Variants in ZNF589 observed in about 807,000 individuals in gnomAD.
ZNF589 encodes zinc finger protein 589, also known as KRAB-zinc finger protein SZF1-1.
Under a neutral mutation model 13.6 loss-of-function variants are expected in ZNF589, and 17 were observed. The ratio of observed to expected loss-of-function variants is 1.25; its 90% confidence interval spans 0.86 to 1.88. The LOEUF (loss-of-function observed/expected upper bound fraction) is 1.88, where lower values mean the gene tolerates loss of function less well. Among genes scored for constraint, ZNF589 ranks in the 40% most tolerant of loss-of-function variants. The probability of loss-of-function intolerance (pLI) is 0.00; values close to 1 mark genes in which losing one functional copy is unlikely to be tolerated. For missense variants in ZNF589, 407 were observed against 434.0 expected (o/e 0.94, Z 0.55); for synonymous variants, 148 against 161.6 (o/e 0.92, Z 0.64).
At chr3:48,249,896 G>T (rs2033818667) in intron 2 of ZNF589, among the ~76,000 whole-genome samples, 1 of 152,168 alleles carries the variant, frequency 6.6e-6, no homozygotes, top group Non-Finnish European at 1.5e-5. Flanking sequence ...GGGAGGCCAA[G>T]ATGGGCGAAT....
rs961531845 is a variant in ZNF589, at chr3:48,269,862, G to A, written c.*1076G>A. On this transcript the variant is annotated 3_prime_UTR_variant, in exon 4 of 4. Transcript: ENST00000354698. ...CACACTCGGGAGAAACCTTCATGGA[G>A]TGAGAGTAAGGTGTTGGCTGGAAGT... 15 of 365,942 alleles carry A rather than the reference G, an allele frequency of 4.1e-5. No individual in the cohort carries two copies. The highest frequency in any genetic ancestry group is 1.7e-4 in the African/African-American group (8 of 46,890). 22.7% of individuals were successfully genotyped at this position (365,942 alleles called of 1,614,324 possible).
chr3:48,255,931 T>A (rs2033894273), intron 2 of ZNF589, among the ~76,000 whole-genome samples: 2 of 152,146 alleles, frequency 1.3e-5, no homozygotes, highest in Non-Finnish European at 2.9e-5. Context: ...AATCACTAGA[T>A]GTTGGGTTTT....
At position 48,269,696 on chromosome 3, in the gene ZNF589, G is replaced by A; in HGVS notation, c.*910G>A. On this transcript the variant is annotated 3_prime_UTR_variant, in exon 4 of 4. Transcript: ENST00000354698. Reference sequence around the variant, plus strand: ...GATACACTCGGGGAAAAGCTTTAGAGGTGCAAGGAGTGAGGATGTGATTTT... The same window carrying A: ...GATACACTCGGGGAAAAGCTTTAGAAGTGCAAGGAGTGAGGATGTGATTTT... 5.9e-6 allele frequency: 2 copies of A among 338,678 alleles called. No individual in the cohort carries two copies. The highest frequency in any genetic ancestry group is 2.4e-5 in the South Asian group (1 of 40,832). 21.0% of individuals were successfully genotyped at this position (338,678 alleles called of 1,614,324 possible).
At chr3:48,253,496 TTC>T (rs372974814) in intron 2 of ZNF589, among the ~76,000 whole-genome samples, 5 of 125,658 alleles carry the variant, frequency 4.0e-5, no homozygotes, top group African/African-American at 9.0e-5. Context: ...AGTCATATTT[TTC>T]TTTTTTTTTT....
chr3:48,262,380 G>T (rs1373261623), intron 3 of ZNF589, among the ~76,000 whole-genome samples: 1 of 151,788 alleles, frequency 6.6e-6, no homozygotes, highest in Admixed American at 6.6e-5. Context: ...TAGTAGAAAC[G>T]GGGTTTCACC....
chr3:48,252,076 G>A (rs974589005), intron 2 of ZNF589, among the ~76,000 whole-genome samples: 1 of 151,856 alleles, frequency 6.6e-6, no homozygotes, highest in African/African-American at 2.4e-5. Context: ...CTGTTTTCTC[G>A]GTGCTCTGTT....
In ZNF589 at chr3:48,270,507, GTC is replaced by G; in HGVS notation, c.*1726_*1727del. ...ATGGTGCCAGGGCCTTTAGCCATTT[GTC>G]TCTCCTCACACTCCAGGGCCCATAT... On this transcript the variant is annotated 3_prime_UTR_variant, in exon 4 of 4. Coordinates refer to ENST00000354698, the MANE Select transcript of ZNF589 (RefSeq NM_016089.3). 1 of 351,742 alleles carries G rather than the reference GTC, an allele frequency of 2.8e-6. No homozygotes were observed. Among genetic ancestry groups the G allele is most frequent in the Non-Finnish European group, 5.6e-6 (1 of 179,488 alleles). The allele number at this position is 351,742 out of a possible 1,614,324, so 21.8% of individuals were successfully genotyped here. A position where few individuals can be genotyped will look rare whatever the true frequency, so the allele number is the denominator to read the frequency against.
intron 1 of ZNF589, 104 bp from the exon 2 acceptor site, chr3:48,247,521 G>A (rs1238202008): frequency 7.7e-7 from 1 of 1,298,112 alleles, no homozygotes. Flanking sequence ...TGGGTCAGCT[G>A]AGAAGGCTCA....
At position 48,270,337 on chromosome 3, in the gene ZNF589, C is replaced by T; in HGVS notation, c.*1551C>T. ...TTAAACATAGCCACGCCACCTTGGC[C>T]TTCAATGACAGGGATCTAGCAATGC... On this transcript the variant is annotated 3_prime_UTR_variant, in exon 4 of 4. Coordinates refer to ENST00000354698, the MANE Select transcript of ZNF589 (RefSeq NM_016089.3). 1 of 415,574 alleles carries T rather than the reference C, an allele frequency of 2.4e-6. No individual in the cohort carries two copies. The highest frequency in any genetic ancestry group is 2.7e-5 in the Admixed American group (1 of 37,160). The allele number at this position is 415,574 out of a possible 1,614,324, so 25.7% of individuals were successfully genotyped here.
chr3:48,247,299 T>G (rs1027943639), intron 1 of ZNF589, among the ~76,000 whole-genome samples: 1 of 151,714 alleles, frequency 6.6e-6, no homozygotes, highest in Non-Finnish European at 1.5e-5. Context: ...AAAAAAAACA[T>G]GTAACTAGAG....
chr3:48,260,943 AG>A lies in ZNF589; in HGVS notation c.223+6del. The A allele has an allele frequency of 1.2e-6, 2 of 1,614,100 alleles. No homozygotes were observed. Among genetic ancestry groups the A allele is most frequent in the Non-Finnish European group, 1.7e-6 (2 of 1,179,986 alleles). On this transcript the variant is annotated splice_donor_5th_base_variant and intron_variant, in intron 3 of 3. Transcript: ENST00000354698. ...CTCAGGAATCTGGTCTCATTGGGTA[AG>A]GACATGTTCTCTTCCTTCATTTTTC... is the stretch of plus-strand genomic sequence containing the variant.
chr3:48,258,029 A>G (rs2033927776), intron 2 of ZNF589: 1 of 395,908 alleles, frequency 2.5e-6, no homozygotes, highest in Admixed American at 3.7e-5. Flanking sequence ...CTTATCATAT[A>G]TATTAGGATA....
rs1329142357 is a variant in ZNF589, at chr3:48,270,973, AGT to A, written c.*2190_*2191del. ...AATGAAGCCGTGGACCCTCACGGTGAGTGTTACAATTCTTAAACATGGTGTGT... is the reference window on the plus strand; with the variant it reads ...AATGAAGCCGTGGACCCTCACGGTGAGTTACAATTCTTAAACATGGTGTGT... On this transcript the variant is annotated 3_prime_UTR_variant, in exon 4 of 4. Transcript: ENST00000354698. 1 of 178,970 alleles carries A rather than the reference AGT, an allele frequency of 5.6e-6. No homozygotes were observed. Among genetic ancestry groups the A allele is most frequent in the African/African-American group, 2.4e-5 (1 of 41,858 alleles). 11.1% of individuals were successfully genotyped at this position (178,970 alleles called of 1,614,324 possible).
At chr3:48,262,040 T>G (rs2033973044) in intron 3 of ZNF589, among the ~76,000 whole-genome samples, 2 of 152,216 alleles carry the variant, frequency 1.3e-5, no homozygotes. Flanking sequence ...CCATTTCAGG[T>G]GTTAAACTGT....
intron 2 of ZNF589, among the ~76,000 whole-genome samples, chr3:48,254,982 T>C (rs1438233325): frequency 6.6e-6 from 1 of 152,136 alleles, no homozygotes; most frequent in Non-Finnish European, 1.5e-5. Context: ...TCTTGTCTCA[T>C]TGCAATAGCT....
In ZNF589 at chr3:48,268,888, T is replaced by G; in HGVS notation, c.*102T>G. The G allele has an allele frequency of 3.4e-6, 5 of 1,465,864 alleles. No homozygotes were observed. The highest frequency in any genetic ancestry group is 4.6e-6 in the Non-Finnish European group (5 of 1,081,910). The allele number at this position is 1,465,864 out of a possible 1,614,324, so 90.8% of individuals were successfully genotyped here. On this transcript the variant is annotated 3_prime_UTR_variant, in exon 4 of 4. Transcript: ENST00000354698. Reference sequence around the variant, plus strand: ...GAGAGTGTGGGCGAGGCTTTCGTGCTAAATCAACTCTCCTCCTACACCAGT... The same window carrying G: ...GAGAGTGTGGGCGAGGCTTTCGTGCGAAATCAACTCTCCTCCTACACCAGT...
intron 2 of ZNF589, among the ~76,000 whole-genome samples, chr3:48,248,318 T>C (rs1361543208): frequency 6.6e-6 from 1 of 152,248 alleles, no homozygotes; most frequent in Admixed American, 6.5e-5. Flanking sequence ...ACGTGATTTA[T>C]GCACAGGGAC....
Position 48,257,235 on chromosome 3 carries a change from AGTTTTTGTTTTT to A in ZNF589, c.97-3566_97-3555del, listed in dbSNP as rs1156407715. On this transcript the variant is annotated intron_variant, in intron 2 of 3. Coordinates refer to ENST00000354698, the MANE Select transcript of ZNF589 (RefSeq NM_016089.3). The stretch of plus-strand genomic sequence containing the variant: ...GAGATGGGGGTCTTCTATAGTAAAA[AGTTTTTGTTTTT>A]GTTTTTGTTTTGTTTTTTGTTTTTT... Among the ~76,000 whole-genome samples the A allele has an allele frequency of 2.6e-5, 4 of 151,602 alleles. No individual in the cohort carries two copies. In the East Asian group the frequency reaches 5.8e-4, roughly 22 times the overall value.
intron 3 of ZNF589, 47 bp from the exon 4 acceptor site, chr3:48,267,868 G>C (rs2034036197): frequency 2.0e-6 from 3 of 1,536,970 alleles, no homozygotes; most frequent in Non-Finnish European, 2.6e-6. Flanking sequence ...CAAGAGCCCA[G>C]TCAGCCCTTC....
Sources: allele counts gnomAD v4.1 joint callset (sites outside exome capture counted in the v4.1 genomes callset), GRCh38; gene constraint gnomAD v4.1.1; transcripts MANE v1.5; gene names NCBI Gene and HGNC (gene_info 2026-07-23, HGNC 2026-07-21).